The following EPM2A variants were observed in gnomAD, a reference collection of about 807,000 sequenced individuals.
The protein encoded by EPM2A is laforin.
In EPM2A, 21 loss-of-function variants were observed where a neutral mutation model predicts 26.5. That is an observed-to-expected ratio of 0.79 (90% CI 0.56 to 1.14). The LOEUF is 1.14. Among genes scored for constraint, EPM2A ranks in the 50% most tolerant of loss-of-function variants. EPM2A has a pLI of 0.00. For synonymous variants in EPM2A, 217 were observed against 177.6 expected (o/e 1.22, Z -1.76); for missense variants, 458 against 440.8 (o/e 1.04, Z -0.35).
At chr6:145,676,220 G>A (rs1011494130) in intron 2 of EPM2A, among the ~76,000 whole-genome samples, 1 of 152,152 alleles carries the variant, frequency 6.6e-6, no homozygotes, top group Non-Finnish European at 1.5e-5. Context: ...GATGTTCTTT[G>A]AAACCAATGA....
chr6:145,635,133 A>G, intron 3 of EPM2A, 112 bp downstream of exon 3: 1 of 1,233,354 alleles, frequency 8.1e-7, no homozygotes, highest in Admixed American at 1.8e-5. Flanking sequence ...AAAATCTTAT[A>G]TTTATTCCAT....
intron 4 of EPM2A, among the ~76,000 whole-genome samples, chr6:145,443,414 GT>G (rs1779093166): frequency 6.6e-6 from 1 of 152,148 alleles, no homozygotes; most frequent in Non-Finnish European, 1.5e-5. Context: ...TTTGAGCAGT[GT>G]TTTTTAGTTC....
At chr6:145,632,585 C>A (rs1429757298) in intron 3 of EPM2A, among the ~76,000 whole-genome samples, 1 of 152,116 alleles carries the variant, frequency 6.6e-6, no homozygotes, top group African/African-American at 2.4e-5. Context: ...CAAAAGCATG[C>A]AAGAGTAAGG....
chr6:145,402,486 C>A (rs567661287), intron 4 of EPM2A, among the ~76,000 whole-genome samples: 1 of 152,190 alleles, frequency 6.6e-6, no homozygotes, highest in East Asian at 1.9e-4. Flanking sequence ...TAAGATTGGA[C>A]AATTGACAAA....
intron 4 of EPM2A, chr6:145,491,193 A>G (rs1253111629): frequency 2.1e-6 from 1 of 466,228 alleles, no homozygotes; most frequent in South Asian, 1.8e-5. Context: ...TGAAGCAGGA[A>G]ATTTTCCCCG....
At chr6:145,463,940 G>A (rs1779356091) in intron 4 of EPM2A, among the ~76,000 whole-genome samples, 1 of 152,136 alleles carries the variant, frequency 6.6e-6, no homozygotes, top group Admixed American at 6.6e-5. Context: ...GAAGGACCTG[G>A]TGGGAGGTGA....
chr6:145,476,917 C>A, intron 4 of EPM2A, among the ~76,000 whole-genome samples: 1 of 151,284 alleles, frequency 6.6e-6, no homozygotes, highest in East Asian at 1.9e-4. Flanking sequence ...AAACCAAACC[C>A]AACATTAGAA....
intron 2 of EPM2A, among the ~76,000 whole-genome samples, chr6:145,570,256 G>A (rs1273346147): frequency 6.6e-6 from 1 of 152,004 alleles, no homozygotes; most frequent in African/African-American, 2.4e-5. Context: ...ACCATCACAA[G>A]TCCAACCCTT....
intron 2 of EPM2A, among the ~76,000 whole-genome samples, chr6:145,593,419 T>C (rs1781301023): frequency 6.6e-6 from 1 of 152,084 alleles, no homozygotes; most frequent in Non-Finnish European, 1.5e-5. Flanking sequence ...AACAACACTG[T>C]GAATCAACTC....
intron 3 of EPM2A, chr6:145,629,461 C>T (rs1776079929): frequency 6.6e-6 from 1 of 152,214 alleles, no homozygotes; most frequent in South Asian, 2.1e-4. Context: ...ATGGTGAGAG[C>T]ATCATGTGTG....
intron 2 of EPM2A, among the ~76,000 whole-genome samples, chr6:145,614,857 T>G (rs1775471344): frequency 6.6e-6 from 1 of 152,170 alleles, no homozygotes; most frequent in African/African-American, 2.4e-5. Flanking sequence ...ATTGCAAAAG[T>G]GTAGACACAA....
At chr6:145,494,618 A>AT (rs1313871774) in intron 4 of EPM2A, among the ~76,000 whole-genome samples, 1 of 152,156 alleles carries the variant, frequency 6.6e-6, no homozygotes, top group Non-Finnish European at 1.5e-5. Context: ...TGATATGGGC[A>AT]TTTAGTCCTA....
chr6:145,440,863 C>A (rs962330311), intron 4 of EPM2A, among the ~76,000 whole-genome samples: 20 of 152,198 alleles, frequency 1.3e-4, no homozygotes, highest in African/African-American at 4.6e-4. Flanking sequence ...TGGTTGCTTT[C>A]ACGGGCTGGC....
In EPM2A at chr6:145,594,288, C is replaced by A. The variant is rs547060576; in HGVS notation, c.340+40957G>T. Among the ~76,000 whole-genome samples the A allele has an allele frequency of 6.3e-3, 951 of 151,516 alleles. 7 individuals are homozygous for A. Among genetic ancestry groups the A allele is most frequent in the Non-Finnish European group, 0.01 (687 of 67,682 alleles). ...TTTAAAAAATTAAATCAATAATAAACCCTCAAGAAAAAAAATATAAGGTTC... is the reference window on the plus strand; with the variant it reads ...TTTAAAAAATTAAATCAATAATAAAACCTCAAGAAAAAAAATATAAGGTTC... On this transcript the variant is annotated intron_variant, in intron 2 of 3. Transcript: ENST00000450221.
At chr6:145,559,579 A>AT (rs1562382177) in intron 2 of EPM2A, among the ~76,000 whole-genome samples, 1 of 151,786 alleles carries the variant, frequency 6.6e-6, no homozygotes, top group Non-Finnish European at 1.5e-5. Context: ...GAAAAGATAA[A>AT]TTTTTTTTAA....
chr6:145,637,137 G>A (rs776722358), intron 2 of EPM2A: 4 of 152,112 alleles, frequency 2.6e-5, no homozygotes, highest in Non-Finnish European at 4.4e-5. Context: ...AGTGCAAGCG[G>A]ATTTCATGTG....
intron 4 of EPM2A, among the ~76,000 whole-genome samples, chr6:145,459,198 G>A (rs1562343010): frequency 6.6e-6 from 1 of 152,212 alleles, no homozygotes; most frequent in East Asian, 1.9e-4. Context: ...GAGGGGGTCA[G>A]TGGATGGGAA....
At chr6:145,501,371 G>T (rs745738351), downstream of EPM2A, among the ~76,000 whole-genome samples, 2 of 152,194 alleles carry the variant, frequency 1.3e-5, no homozygotes, top group African/African-American at 2.4e-5. Flanking sequence ...TTTCTTCAAG[G>T]TGGAATAGCC....
intron 2 of EPM2A, among the ~76,000 whole-genome samples, chr6:145,592,586 A>G (rs1781289596): frequency 6.6e-6 from 1 of 151,954 alleles, no homozygotes; most frequent in Non-Finnish European, 1.5e-5. Context: ...ACTAGTTTAC[A>G]GTCCCACCAA....
Sources: allele counts gnomAD v4.1 joint callset (sites outside exome capture counted in the v4.1 genomes callset), GRCh38; gene constraint gnomAD v4.1.1; transcripts MANE v1.5; gene names NCBI Gene and HGNC (gene_info 2026-07-23, HGNC 2026-07-21).